The following DSCAML1 variants were observed in gnomAD, a reference collection of about 807,000 sequenced individuals.
DSCAML1 encodes the protein cell adhesion molecule DSCAML1.
In DSCAML1, 38 loss-of-function variants were observed where a neutral mutation model predicts 200.5. That is an observed-to-expected ratio of 0.19 (90% CI 0.15 to 0.25). The LOEUF is 0.25. Among genes scored for constraint, DSCAML1 ranks in the 10% least tolerant of loss-of-function variants. The pLI is 1.00. For missense variants in DSCAML1, 2,223 were observed against 2,858.8 expected (o/e 0.78, Z 5.07); for synonymous variants, 1,215 against 1,165.0 (o/e 1.04, Z -0.87).
chr11:117,464,881 G>T, intron 17 of DSCAML1, 61 bp downstream of exon 17: 6 of 1,582,102 alleles, frequency 3.8e-6, no homozygotes, highest in East Asian at 2.3e-5. Context: ...ACCCTCTCTG[G>T]CAGCCCTGGC....
intron 3 of DSCAML1, among the ~76,000 whole-genome samples, chr11:117,579,592 G>T (rs544094068): frequency 6.6e-6 from 1 of 152,298 alleles, no homozygotes; most frequent in African/African-American, 2.4e-5. Flanking sequence ...CTCTCTTTCA[G>T]TTTCTTCTGT....
At chr11:117,474,902 A>ATG (rs2048758226) in intron 14 of DSCAML1, among the ~76,000 whole-genome samples, 1 of 151,940 alleles carries the variant, frequency 6.6e-6, no homozygotes, top group East Asian at 1.9e-4. Context: ...CTACAGGCGC[A>ATG]TGCCACCACA....
chr11:117,799,205 C>T (rs537453436), upstream of DSCAML1, among the ~76,000 whole-genome samples: 7 of 152,248 alleles, frequency 4.6e-5, no homozygotes, highest in South Asian at 8.3e-4. Context: ...CTAAAGGGAA[C>T]GGTCATTGAG....
intron 3 of DSCAML1, among the ~76,000 whole-genome samples, chr11:117,612,744 G>A (rs551480280): frequency 6.6e-6 from 1 of 152,314 alleles, no homozygotes; most frequent in Non-Finnish European, 1.5e-5. Context: ...TGGTGGGATG[G>A]GCATCGTCAA....
At chr11:117,760,409 T>C (rs991521746) in intron 3 of DSCAML1, among the ~76,000 whole-genome samples, 1 of 152,242 alleles carries the variant, frequency 6.6e-6, no homozygotes, top group Non-Finnish European at 1.5e-5. Flanking sequence ...TTGCTACATA[T>C]GTATGCATCC....
intron 1 of DSCAML1, among the ~76,000 whole-genome samples, chr11:117,786,958 G>A (rs1053880495): frequency 6.6e-6 from 1 of 152,160 alleles, no homozygotes; most frequent in Non-Finnish European, 1.5e-5. Context: ...AGGAGGAATG[G>A]TCAGGACCAA....
chr11:117,492,194 G>A (rs1199481263), intron 11 of DSCAML1, among the ~76,000 whole-genome samples: 1 of 152,158 alleles, frequency 6.6e-6, no homozygotes, highest in Non-Finnish European at 1.5e-5. Context: ...TACCTCCTAT[G>A]ACAGCAGCTG....
At chr11:117,429,785 G>A (rs570932128) in intron 32 of DSCAML1, among the ~76,000 whole-genome samples, 32 of 152,360 alleles carry the variant, frequency 2.1e-4, no homozygotes, top group South Asian at 8.3e-4. Context: ...TTCCCCCGGG[G>A]AGCTGGGCCA....
At chr11:117,450,776 C>G in intron 19 of DSCAML1, 88 bp from the exon 20 acceptor site, 1 of 1,485,016 alleles carries the variant, frequency 6.7e-7, no homozygotes, top group Admixed American at 2.1e-5. Context: ...GGAGGCAGAT[C>G]AATCTGGGAG....
chr11:117,530,103 G>A (rs547150019), intron 4 of DSCAML1, among the ~76,000 whole-genome samples: 6 of 152,032 alleles, frequency 3.9e-5, no homozygotes, highest in South Asian at 2.1e-4. Context: ...TGTCGGTACC[G>A]TCCCATCTTC....
chr11:117,581,233 A>G (rs1378655693), intron 3 of DSCAML1, among the ~76,000 whole-genome samples: 1 of 152,186 alleles, frequency 6.6e-6, no homozygotes, highest in African/African-American at 2.4e-5. Context: ...CCTGCTCACT[A>G]TCAAAGTGTA....
chr11:117,590,463 C>T (rs1332236992), intron 3 of DSCAML1, among the ~76,000 whole-genome samples: 7 of 152,086 alleles, frequency 4.6e-5, no homozygotes, highest in Admixed American at 6.6e-5. Flanking sequence ...TGGTCTGCAC[C>T]AGAAAGCAGC....
intron 3 of DSCAML1, among the ~76,000 whole-genome samples, chr11:117,643,747 C>G (rs886395501): frequency 6.6e-6 from 1 of 152,108 alleles, no homozygotes; most frequent in Non-Finnish European, 1.5e-5. Flanking sequence ...AGGCACCATC[C>G]CTCTCGCCAC....
chr11:117,497,916 G>C (rs2049322995), intron 11 of DSCAML1, among the ~76,000 whole-genome samples: 1 of 152,220 alleles, frequency 6.6e-6, no homozygotes, highest in Non-Finnish European at 1.5e-5. Flanking sequence ...AGATGCAGCA[G>C]AGAGTCCATC....
In DSCAML1 at chr11:117,588,791, CA is replaced by C. The variant is rs928796008; in HGVS notation, c.512-56270del. Among the ~76,000 whole-genome samples, 134 of 152,260 alleles carry C rather than the reference CA, an allele frequency of 8.8e-4. 1 individual carries two copies. Among genetic ancestry groups the C allele is most frequent in the African/African-American group, 3.0e-3 (126 of 41,566 alleles). On this transcript the variant is annotated intron_variant, in intron 3 of 32. Transcript: ENST00000651296. ...CTAGGAGGGGAGGCTGAGGCATGGC[CA>C]GGGGCGGGTGTGGGGATCCTGTCCC...
chr11:117,438,110 GGGGGC>G lies in DSCAML1; in HGVS notation c.4244-32_4244-28del, dbSNP rs777154577. 13 of 1,586,448 alleles carry G rather than the reference GGGGGC, an allele frequency of 8.2e-6. No individual in the cohort carries two copies. In the African/African-American group the frequency reaches 1.6e-4, roughly 20 times the overall value. On this transcript the variant is annotated intron_variant, in intron 24 of 32. Coordinates refer to ENST00000651296, the MANE Select transcript of DSCAML1 (RefSeq NM_020693.4). ...TGCGGAGGGTAGGCCTGATTCAGGT[GGGGGC>G]AGGGCAGGGCAAGGCAGCAGAAGCC...
rs562245540 is a variant in DSCAML1 at position 117,667,040 on chromosome 11, G to A, written c.511+109751C>T. On this transcript the variant is annotated intron_variant, in intron 3 of 32. Transcript: ENST00000651296. ...CCAGGAGTCTGGACAGCAGCTGGGG[G>A]GTCCAAGGAGCAACACCCAGCTTTC... is the stretch of plus-strand genomic sequence containing the variant. Among the ~76,000 whole-genome samples, 3 of 152,294 alleles carry A rather than the reference G, an allele frequency of 2.0e-5. No homozygotes were observed. In the East Asian group the frequency reaches 5.8e-4, roughly 29 times the overall value.
At chr11:117,585,130 A>C (rs1191430302) in intron 3 of DSCAML1, among the ~76,000 whole-genome samples, 2 of 152,256 alleles carry the variant, frequency 1.3e-5, no homozygotes, top group Middle Eastern at 3.4e-3. Context: ...ATAGTCATTC[A>C]ATCCTTCCAC....
chr11:117,446,364 CAAAACAAAAACA>C (rs537590853), intron 20 of DSCAML1, among the ~76,000 whole-genome samples: 140 of 152,034 alleles, frequency 9.2e-4, no homozygotes, highest in African/African-American at 3.2e-3. Flanking sequence ...AACTCTGTCT[CAAAACAAAAACA>C]AAAACAAAAA....
Sources: gnomAD v4.1 joint callset for allele counts (sites outside exome capture counted in the v4.1 genomes callset) on GRCh38, gnomAD v4.1.1 for gene constraint, MANE v1.5 for transcripts, NCBI Gene and HGNC (gene_info 2026-07-23, HGNC 2026-07-21) for gene names.